The following ISOC1 variants were observed in gnomAD, a reference collection of about 807,000 sequenced individuals.
ISOC1 encodes isochorismatase domain-containing protein 1.
ISOC1 carries 33 observed loss-of-function variants against 30.0 expected under a neutral mutation model. That is an observed-to-expected ratio of 1.10 (90% confidence interval 0.83 to 1.47). ISOC1 has a LOEUF of 1.47. Among genes scored for constraint, ISOC1 ranks in the 40% most tolerant of loss-of-function variants. ISOC1 has a pLI of 0.00. For synonymous variants in ISOC1, 178 were observed against 159.8 expected, an observed-to-expected ratio of 1.11 and a Z score of -0.86; for missense variants, 372 against 388.0, an observed-to-expected ratio of 0.96 and a Z score of 0.35.
At chr5:129,100,204 T>C (rs1486836994) in intron 1 of ISOC1, among the ~76,000 whole-genome samples, 2 of 151,800 alleles carry the variant, frequency 1.3e-5, no homozygotes, top group African/African-American at 4.9e-5. Flanking sequence ...AAACATCGCA[T>C]TTACAGTTTC....
intron 4 of ISOC1, among the ~76,000 whole-genome samples, chr5:129,109,178 G>T (rs1462288973): frequency 4.6e-5 from 7 of 152,160 alleles, no homozygotes; most frequent in African/African-American, 1.7e-4. Context: ...ATTCTTTTTA[G>T]AGGCAATCTG....
intron 4 of ISOC1, among the ~76,000 whole-genome samples, chr5:129,111,788 C>G (rs1188577287): frequency 1.3e-5 from 2 of 152,116 alleles, no homozygotes; most frequent in African/African-American, 4.8e-5. Flanking sequence ...TTCTGTCTCT[C>G]TTTTCCTCCT....
intron 1 of ISOC1, 141 bp from the exon 2 acceptor site, chr5:129,104,815 A>G (rs766328): frequency 0.52 from 363,083 of 699,152 alleles, 97,049 homozygotes; most frequent in East Asian, 0.64. Context: ...TGTAATTCAG[A>G]TACTTTTTTT....
rs201843811 is a variant in ISOC1, at chr5:129,106,996, C to T, written c.684C>T (p.Val228=). 1.2e-6 allele frequency: 2 copies of T among 1,613,618 alleles called. No individual in the cohort carries two copies. Among genetic ancestry groups the T allele is most frequent in the East Asian group, 2.2e-5 (1 of 44,880 alleles). ...CCCTGGAGCTAGTTGGCCGAGGAGT[C>T]GAGGTTCACATTGTTGCTGATGCCA... ...QTALELVGRG[V]EVHIVADATS... is the part of the protein sequence containing the mutation. Residue 228 remains valine (V), a synonymous_variant, in exon 4 of 5, where the codon GTC becomes GTT. Transcript: ENST00000173527.
At position 129,112,146 on chromosome 5, in the gene ISOC1, A is replaced by G. The variant is rs1387916053; in HGVS notation, c.751-709A>G. Among the ~76,000 whole-genome samples the G allele has an allele frequency of 3.9e-5, 6 of 152,226 alleles. No individual in the cohort carries two copies. The East Asian group carries it at 1.2e-3, about 29-fold the overall frequency. ...AATTAAACAATTTATATGAAATTTG[A>G]TAGTAAATTACTAATGTAATGTTCT... On this transcript the variant is annotated intron_variant, in intron 4 of 4. Transcript: ENST00000173527.
intron 1 of ISOC1, among the ~76,000 whole-genome samples, chr5:129,103,763 C>T (rs974485840): frequency 6.6e-6 from 1 of 152,020 alleles, no homozygotes; most frequent in East Asian, 1.9e-4. Flanking sequence ...ACACAGACTC[C>T]TTTAGAATAT....
At chr5:129,104,544 C>G (rs1197491200) in intron 1 of ISOC1, among the ~76,000 whole-genome samples, 2 of 152,060 alleles carry the variant, frequency 1.3e-5, no homozygotes, top group African/African-American at 4.8e-5. Flanking sequence ...TTGTAATGTA[C>G]TACTACTTTT....
chr5:129,107,049 T>A lies in ISOC1; in HGVS notation c.737T>A (p.Met246Lys). The A allele has an allele frequency of 1.2e-6, 2 of 1,613,224 alleles. No homozygotes were observed. Among genetic ancestry groups the A allele is most frequent in the Non-Finnish European group, 1.7e-6 (2 of 1,179,284 alleles). ...TCATCAAGAAGCATGATGGACAGGA[T>A]GTTTGCCCTCGAGGTAATTGTCCTG... ...ATSSRSMMDRMFALERLARTG... is the reference protein window; with the variant it reads ...ATSSRSMMDRKFALERLARTG... Residue 246 changes from methionine to lysine, a missense_variant, in exon 4 of 5, where the codon ATG becomes AAG. Transcript: ENST00000173527.
At chr5:129,106,920 A>G (rs942225947) in intron 3 of ISOC1, 26 bp from the exon 4 acceptor site, 4 of 1,496,160 alleles carry the variant, frequency 2.7e-6, no homozygotes, top group Non-Finnish European at 3.7e-6. Flanking sequence ...ATGTTATTAC[A>G]TATGATTCTT....
intron 4 of ISOC1, among the ~76,000 whole-genome samples, chr5:129,107,615 T>C (rs1298119290): frequency 6.6e-6 from 1 of 152,138 alleles, no homozygotes; most frequent in Non-Finnish European, 1.5e-5. Context: ...ATAAGTAATA[T>C]AGAGATGATT....
chr5:129,096,814 G>C (rs542122576), intron 1 of ISOC1, among the ~76,000 whole-genome samples: 36 of 152,090 alleles, frequency 2.4e-4, no homozygotes, highest in Non-Finnish European at 4.9e-4. Flanking sequence ...AGGGAGGCTG[G>C]GCTCTTATCT....
At chr5:129,110,210 T>G (rs1753688131) in intron 4 of ISOC1, among the ~76,000 whole-genome samples, 1 of 152,164 alleles carries the variant, frequency 6.6e-6, no homozygotes, top group South Asian at 2.1e-4. Context: ...CTTCTTTTCC[T>G]TTGGCCTAGT....
intron 3 of ISOC1, among the ~76,000 whole-genome samples, chr5:129,106,707 G>C (rs933633398): frequency 6.6e-6 from 1 of 152,124 alleles, no homozygotes; most frequent in Non-Finnish European, 1.5e-5. Flanking sequence ...TATGTTTAAG[G>C]TTCTTAGTAT....
intron 1 of ISOC1, among the ~76,000 whole-genome samples, chr5:129,098,917 C>T (rs561533585): frequency 1.8e-4 from 28 of 152,136 alleles, no homozygotes; most frequent in African/African-American, 5.1e-4. Context: ...GAACCTTGTT[C>T]GCCTTTGGCT....
At chr5:129,102,985 G>A (rs1020920341) in intron 1 of ISOC1, among the ~76,000 whole-genome samples, 1 of 152,188 alleles carries the variant, frequency 6.6e-6, no homozygotes, top group Non-Finnish European at 1.5e-5. Flanking sequence ...TTACGCAACT[G>A]CCCAGGAATT....
At position 129,112,965 on chromosome 5, in the gene ISOC1, G is replaced by T. The variant is rs749380537; in HGVS notation, c.861G>T (p.Ala287=). ...KFKEIQNLIK[A]SAPESGLLSK... Reference sequence around the variant, plus strand: ...AGGAAATTCAGAATCTAATTAAGGCGAGTGCTCCAGAGTCGGGTCTGCTTT... The same window carrying T: ...AGGAAATTCAGAATCTAATTAAGGCTAGTGCTCCAGAGTCGGGTCTGCTTT... Residue 287 remains alanine, a synonymous_variant, in exon 5 of 5, where the codon GCG becomes GCT. Coordinates refer to ENST00000173527, the MANE Select transcript of ISOC1 (RefSeq NM_016048.2). 2 of 1,613,598 alleles carry T rather than the reference G, an allele frequency of 1.2e-6. No individual in the cohort carries two copies. Among genetic ancestry groups the T allele is most frequent in the African/African-American group, 1.3e-5 (1 of 75,006 alleles).
chr5:129,106,343 G>T (rs575275048), intron 3 of ISOC1, among the ~76,000 whole-genome samples: 142 of 152,310 alleles, frequency 9.3e-4, no homozygotes, highest in Non-Finnish European at 1.7e-3. Flanking sequence ...CATTGTTGCA[G>T]CCTGTTTTCA....
At chr5:129,108,724 CTGGTCT>C (rs1753668351) in intron 4 of ISOC1, among the ~76,000 whole-genome samples, 1 of 152,126 alleles carries the variant, frequency 6.6e-6, no homozygotes. Context: ...GTTGGCCAGG[CTGGTCT>C]CGAACTCCTG....
intron 1 of ISOC1, among the ~76,000 whole-genome samples, chr5:129,103,540 C>T (rs1327135027): frequency 1.3e-5 from 2 of 151,994 alleles, no homozygotes; most frequent in African/African-American, 4.8e-5. Flanking sequence ...AGAGTCAGTA[C>T]CAGAGGGAGA....
Sources: allele counts gnomAD v4.1 joint callset (sites outside exome capture counted in the v4.1 genomes callset), GRCh38; gene constraint gnomAD v4.1.1; transcripts MANE v1.5; gene names NCBI Gene and HGNC (gene_info 2026-07-23, HGNC 2026-07-21).